Variants in ST8SIA6 observed in about 807,000 individuals in gnomAD.
ST8SIA6 encodes alpha-2,8-sialyltransferase 8F.
In ST8SIA6, 39 loss-of-function variants were observed where a neutral mutation model predicts 33.6. The observed-to-expected ratio is 1.16, with a 90% CI of 0.90 to 1.52. The LOEUF is 1.52. Among genes scored for constraint, ST8SIA6 ranks in the 40% most tolerant of loss-of-function variants. The pLI is 0.00. For missense variants in ST8SIA6, 441 were observed against 443.8 expected, an observed-to-expected ratio of 0.99 and a Z score of 0.06; for synonymous variants, 172 against 167.2, an observed-to-expected ratio of 1.03 and a Z score of -0.22.
At chr10:17,377,736 A>T (rs530478353) in intron 3 of ST8SIA6, among the ~76,000 whole-genome samples, 3 of 152,234 alleles carry the variant, frequency 2.0e-5, no homozygotes, top group South Asian at 4.1e-4. Flanking sequence ...CTATTTTAGC[A>T]ATGTGAAAGG....
chr10:17,452,721 CTATT>C (rs1284536799), intron 2 of ST8SIA6, among the ~76,000 whole-genome samples: 1 of 151,952 alleles, frequency 6.6e-6, no homozygotes, highest in Non-Finnish European at 1.5e-5. Flanking sequence ...AAAATGGAAA[CTATT>C]AAATAGATTA....
intron 2 of ST8SIA6, among the ~76,000 whole-genome samples, chr10:17,407,654 A>G (rs1359702745): frequency 1.3e-5 from 2 of 152,160 alleles, no homozygotes; most frequent in African/African-American, 2.4e-5. Context: ...CATTGTCACC[A>G]TGACTGGCTT....
At chr10:17,424,361 C>G (rs1399571564) in intron 2 of ST8SIA6, among the ~76,000 whole-genome samples, 1 of 152,156 alleles carries the variant, frequency 6.6e-6, no homozygotes, top group Non-Finnish European at 1.5e-5. Flanking sequence ...GCCTCGGCCT[C>G]CCAAAGTGCT....
chr10:17,363,346 G>A lies in ST8SIA6; in HGVS notation c.291-3746C>T, dbSNP rs758788847. On this transcript the variant is annotated intron_variant, in intron 3 of 7. Coordinates refer to ENST00000377602, the MANE Select transcript of ST8SIA6 (RefSeq NM_001004470.3). The stretch of plus-strand genomic sequence containing the variant: ...ACTACCCCCTTTTTCCATGAGTAAC[G>A]CATACATTAACTGTACCCATCTTCC... Among the ~76,000 whole-genome samples, 37 of 151,906 alleles carry A rather than the reference G, an allele frequency of 2.4e-4. 1 individual carries two copies. Among genetic ancestry groups the A allele is most frequent in the South Asian group, 1.2e-3 (6 of 4,824 alleles).
Position 17,336,497 on chromosome 10 carries a change from C to A in ST8SIA6, c.378-4945G>T, listed in dbSNP as rs182361534. Among the ~76,000 whole-genome samples, 170 of 152,186 alleles carry A rather than the reference C, an allele frequency of 1.1e-3. 2 individuals are homozygous for A. The highest frequency in any genetic ancestry group is 1.9e-3 in the Non-Finnish European group (127 of 68,026). On this transcript the variant is annotated intron_variant, in intron 4 of 7. Transcript: ENST00000377602. ...CTTCAAACACTTCCTATCTCCCGAC[C>A]CTCCGCCAAGCCCCAGAGGACACTT...
chr10:17,453,977 G>A (rs1320992574), intron 1 of ST8SIA6, among the ~76,000 whole-genome samples, 178 bp downstream of exon 1: 4 of 152,014 alleles, frequency 2.6e-5, no homozygotes, highest in Non-Finnish European at 4.4e-5. Flanking sequence ...CCGGTCGGAG[G>A]GTCGCCTCCC....
At position 17,428,188 on chromosome 10, in the gene ST8SIA6, A is replaced by G. The variant is rs1252497565; in HGVS notation, c.200+25371T>C. On this transcript the variant is annotated intron_variant, in intron 2 of 7. Coordinates refer to ENST00000377602, the MANE Select transcript of ST8SIA6 (RefSeq NM_001004470.3). ...GCATAAAACCTGGAACATGTATTCC[A>G]TAGGTTGCTTTGATGATAAGCAGAT... 3.3e-5 allele frequency among the ~76,000 whole-genome samples: 5 copies of G among 152,304 alleles called. No homozygotes were observed. The Middle Eastern group carries it at 0.01, about 311-fold the overall frequency.
At chr10:17,400,106 G>A (rs143946386) in intron 2 of ST8SIA6, among the ~76,000 whole-genome samples, 600 of 152,212 alleles carry the variant, frequency 3.9e-3, no homozygotes, top group Middle Eastern at 6.8e-3. Flanking sequence ...GGGGCAGGGT[G>A]AGTCATTAGG....
intron 2 of ST8SIA6, among the ~76,000 whole-genome samples, chr10:17,434,179 G>A (rs1035450313): frequency 6.6e-6 from 1 of 152,168 alleles, no homozygotes. Flanking sequence ...GACTCCTTGG[G>A]AGCAGGGACA....
At chr10:17,424,296 G>A (rs1220595574) in intron 2 of ST8SIA6, among the ~76,000 whole-genome samples, 1 of 151,974 alleles carries the variant, frequency 6.6e-6, no homozygotes, top group Non-Finnish European at 1.5e-5. Flanking sequence ...TAGGACTGAG[G>A]TTTCCACATT....
intron 6 of ST8SIA6, 58 bp downstream of exon 6, chr10:17,326,956 C>G: frequency 8.4e-7 from 1 of 1,186,040 alleles, no homozygotes; most frequent in Non-Finnish European, 1.2e-6. Flanking sequence ...TACACTATCC[C>G]CCTCTGAAAT....
rs1441288579 is a variant in ST8SIA6, at chr10:17,374,764, T to TATATATATATATATATACAC, written c.291-15165_291-15164insGTGTATATATATATATATAT. 2.6e-3 allele frequency among the ~76,000 whole-genome samples: 327 copies of TATATATATATATATATACAC among 126,786 alleles called. 9 individuals carry two copies. Among genetic ancestry groups the TATATATATATATATATACAC allele is most frequent in the East Asian group, 8.5e-3 (27 of 3,176 alleles). 83.2% of individuals were successfully genotyped at this position (126,786 alleles called of 152,430 possible). A position where few individuals can be genotyped will look rare whatever the true frequency, so the allele number is the denominator to read the frequency against. On this transcript the variant is annotated intron_variant, in intron 3 of 7. Transcript: ENST00000377602. ...TAAATAAATAATAAATATATATATA[T>TATATATATATATATATACAC]ATATTTAGCTCAACTGCCCTCCCAA... is the stretch of plus-strand genomic sequence containing the variant.
At chr10:17,328,804 C>T (rs979117696) in intron 5 of ST8SIA6, among the ~76,000 whole-genome samples, 2 of 152,210 alleles carry the variant, frequency 1.3e-5, no homozygotes, top group African/African-American at 4.8e-5. Flanking sequence ...ACTGCACGTG[C>T]GCAGAACGAA....
chr10:17,407,932 C>T (rs555175050), intron 2 of ST8SIA6: 7 of 152,694 alleles, frequency 4.6e-5, no homozygotes, highest in Non-Finnish European at 7.3e-5. Context: ...GAGCTCTCAT[C>T]ATGTCACCAA....
intron 3 of ST8SIA6, among the ~76,000 whole-genome samples, chr10:17,372,290 C>T (rs777720289): frequency 3.9e-5 from 6 of 152,176 alleles, no homozygotes; most frequent in Non-Finnish European, 5.9e-5. Context: ...AAGTGAGGAA[C>T]GTGTGTTACT....
intron 5 of ST8SIA6, among the ~76,000 whole-genome samples, chr10:17,327,421 C>T (rs1027368116): frequency 3.3e-5 from 5 of 151,710 alleles, no homozygotes; most frequent in African/African-American, 7.3e-5. Flanking sequence ...CCCGTCTCTG[C>T]GAAAAATACA....
chr10:17,355,063 A>G (rs1849151477), intron 4 of ST8SIA6, among the ~76,000 whole-genome samples: 1 of 152,226 alleles, frequency 6.6e-6, no homozygotes, highest in Non-Finnish European at 1.5e-5. Context: ...GTAGCACAAC[A>G]AGAAAGTTAA....
chr10:17,447,468 C>CA lies in ST8SIA6; in HGVS notation c.200+6090dup, dbSNP rs375041715. On this transcript the variant is annotated intron_variant, in intron 2 of 7. Transcript: ENST00000377602. Reference sequence around the variant, plus strand: ...TACAAGGAAAGCTTTCATGAACTACCAAAAAAAAAAGTGCCCTCAAATATC... The same window carrying CA: ...TACAAGGAAAGCTTTCATGAACTACCAAAAAAAAAAAGTGCCCTCAAATATC... Among the ~76,000 whole-genome samples, 955 of 146,116 alleles carry CA rather than the reference C, an allele frequency of 6.5e-3. 10 individuals carry two copies. Among genetic ancestry groups the CA allele is most frequent in the African/African-American group, 0.022 (887 of 40,006 alleles).
intron 2 of ST8SIA6, among the ~76,000 whole-genome samples, chr10:17,418,270 C>A (rs11254583): frequency 0.55 from 83,131 of 151,852 alleles, 23,501 homozygotes; most frequent in African/African-American, 0.68. Context: ...TGCTTTGTTC[C>A]GGCTGGTCTC....
Sources: gnomAD v4.1 joint callset for allele counts (sites outside exome capture counted in the v4.1 genomes callset) on GRCh38, gnomAD v4.1.1 for gene constraint, MANE v1.5 for transcripts, NCBI Gene and HGNC (gene_info 2026-07-23, HGNC 2026-07-21) for gene names.